ZNF804B: variants seen among roughly 807,000 people sequenced by gnomAD.
ZNF804B encodes zinc finger 804B.
ZNF804B carries 80 observed loss-of-function variants against 101.4 expected under a neutral mutation model. The ratio of observed to expected loss-of-function variants is 0.79; its 90% CI spans 0.66 to 0.95. The LOEUF (loss-of-function observed/expected upper bound fraction) is 0.95. Among genes scored for constraint, ZNF804B ranks in the 40% least tolerant of loss-of-function variants. ZNF804B has a pLI of 0.00. For missense variants in ZNF804B, 1,673 were observed against 1,561.9 expected, an observed-to-expected ratio of 1.07 and a Z score of -1.20; for synonymous variants, 622 against 558.8, an observed-to-expected ratio of 1.11 and a Z score of -1.59.
intron 1 of ZNF804B, among the ~76,000 whole-genome samples, chr7:88,995,905 G>A (rs887522289): frequency 6.6e-6 from 1 of 152,016 alleles, no homozygotes; most frequent in African/African-American, 2.4e-5. Context: ...ACAATTCTCA[G>A]TTGAATGACA....
rs1030782392 is a variant in ZNF804B, at chr7:89,325,191, G to GT, written c.250-2144dup. On this transcript the variant is annotated intron_variant, in intron 2 of 3. Transcript: ENST00000333190. Reference sequence around the variant, plus strand: ...CTGAAAACTTGCAGCAGATCTCTGGGTTTTTTTTTCTCTACTTAAACTTGA... The same window carrying GT: ...CTGAAAACTTGCAGCAGATCTCTGGGTTTTTTTTTTCTCTACTTAAACTTGA... 6.0e-5 allele frequency among the ~76,000 whole-genome samples: 9 copies of GT among 150,914 alleles called. No homozygotes were observed. The South Asian group carries it at 8.4e-4, about 14-fold the overall frequency.
At chr7:89,279,251 G>A (rs910534241) in intron 2 of ZNF804B, among the ~76,000 whole-genome samples, 10 of 151,944 alleles carry the variant, frequency 6.6e-5, no homozygotes, top group African/African-American at 2.4e-4. Context: ...GAGATTTTGG[G>A]CTGAGACAGT....
chr7:89,050,870 T>C (rs764540474), intron 1 of ZNF804B, among the ~76,000 whole-genome samples: 1 of 152,150 alleles, frequency 6.6e-6, no homozygotes, highest in Admixed American at 6.5e-5. Flanking sequence ...ACATATATTA[T>C]TTCATATCAT....
At chr7:89,230,174 A>G (rs1789167724) in intron 2 of ZNF804B, among the ~76,000 whole-genome samples, 1 of 152,086 alleles carries the variant, frequency 6.6e-6, no homozygotes, top group Admixed American at 6.5e-5. Context: ...TAAAAATTAG[A>G]GCAGAAATCA....
chr7:89,201,606 A>G (rs1788640311), intron 1 of ZNF804B, among the ~76,000 whole-genome samples: 1 of 152,044 alleles, frequency 6.6e-6, no homozygotes, highest in South Asian at 2.1e-4. Context: ...CATAACTACT[A>G]CCTAAGCTAC....
At chr7:89,020,627 C>G (rs1788652122) in intron 1 of ZNF804B, among the ~76,000 whole-genome samples, 1 of 152,076 alleles carries the variant, frequency 6.6e-6, no homozygotes, top group South Asian at 2.1e-4. Context: ...AAGTTTTCAG[C>G]TATTATTTCA....
chr7:89,041,960 C>A (rs991404809), intron 1 of ZNF804B, among the ~76,000 whole-genome samples: 1 of 152,146 alleles, frequency 6.6e-6, no homozygotes, highest in African/African-American at 2.4e-5. Flanking sequence ...CCAGTATCAT[C>A]ATATATGACT....
At chr7:88,856,058 T>C (rs1791551753) in intron 1 of ZNF804B, among the ~76,000 whole-genome samples, 1 of 152,204 alleles carries the variant, frequency 6.6e-6, no homozygotes, top group African/African-American at 2.4e-5. Context: ...AGCTTTGTTC[T>C]TTTGGCTTAG....
At chr7:89,270,427 T>C (rs1208843) in intron 2 of ZNF804B, among the ~76,000 whole-genome samples, 106,478 of 152,022 alleles carry the variant, frequency 0.7, 38,225 homozygotes, top group African/African-American at 0.83. Flanking sequence ...TGGTCTATAT[T>C]TCTGTTTTGG....
intron 1 of ZNF804B, among the ~76,000 whole-genome samples, chr7:89,075,572 TG>T (rs1219343343): frequency 6.6e-6 from 1 of 152,214 alleles, no homozygotes; most frequent in Non-Finnish European, 1.5e-5. Flanking sequence ...AGAAGTTTGC[TG>T]CAGGGGTGGA....
intron 1 of ZNF804B, among the ~76,000 whole-genome samples, chr7:89,200,331 C>T (rs2115647465): frequency 6.6e-6 from 1 of 151,966 alleles, no homozygotes; most frequent in Non-Finnish European, 1.5e-5. Context: ...TTCCTATAGC[C>T]CCTAACACAG....
intron 1 of ZNF804B, among the ~76,000 whole-genome samples, chr7:89,075,913 TG>T (rs748919051): frequency 2.0e-4 from 30 of 152,242 alleles, no homozygotes; most frequent in Non-Finnish European, 2.6e-4. Flanking sequence ...AAGATTTGAT[TG>T]CCCTGCTAGA....
chr7:89,315,807 C>G (rs1474925005), intron 2 of ZNF804B, among the ~76,000 whole-genome samples: 4 of 152,048 alleles, frequency 2.6e-5, no homozygotes, highest in African/African-American at 9.7e-5. Flanking sequence ...CCAATTGATC[C>G]TGCGCTGGCA....
At chr7:89,289,222 A>G (rs553713964) in intron 2 of ZNF804B, among the ~76,000 whole-genome samples, 1 of 152,290 alleles carries the variant, frequency 6.6e-6, no homozygotes, top group African/African-American at 2.4e-5. Flanking sequence ...TAGTAGCCAT[A>G]AACTCAACTG....
intron 1 of ZNF804B, among the ~76,000 whole-genome samples, chr7:88,947,921 A>G (rs1793161057): frequency 6.6e-6 from 1 of 151,928 alleles, no homozygotes; most frequent in African/African-American, 2.4e-5. Flanking sequence ...ACTGAGGAAC[A>G]ATTGTATATG....
intron 1 of ZNF804B, among the ~76,000 whole-genome samples, chr7:88,766,480 T>C (rs1363104808): frequency 6.6e-6 from 1 of 152,210 alleles, no homozygotes; most frequent in Non-Finnish European, 1.5e-5. Context: ...GAAGAACTGA[T>C]AATATATTTT....
intron 1 of ZNF804B, among the ~76,000 whole-genome samples, chr7:89,049,774 G>A (rs1307042103): frequency 6.6e-6 from 1 of 152,158 alleles, no homozygotes; most frequent in Admixed American, 6.6e-5. Flanking sequence ...CACTTTGGGA[G>A]GCCAAGGTGG....
chr7:89,276,954 A>C (rs1338495277), intron 2 of ZNF804B, among the ~76,000 whole-genome samples: 1 of 151,444 alleles, frequency 6.6e-6, no homozygotes, highest in Non-Finnish European at 1.5e-5. Context: ...TCTGTGTTTT[A>C]GTGTATATGT....
chr7:88,809,105 G>A (rs1790737242), intron 1 of ZNF804B, among the ~76,000 whole-genome samples: 1 of 152,150 alleles, frequency 6.6e-6, no homozygotes, highest in South Asian at 2.1e-4. Flanking sequence ...AAGAGGAGGT[G>A]TACACACTTG....
Sources: gnomAD v4.1 joint callset for allele counts (sites outside exome capture counted in the v4.1 genomes callset) on GRCh38, gnomAD v4.1.1 for gene constraint, MANE v1.5 for transcripts, NCBI Gene and HGNC (gene_info 2026-07-23, HGNC 2026-07-21) for gene names.